Variants in CRX observed in about 807,000 individuals in gnomAD.
The protein encoded by CRX is cone-rod homeobox.
In CRX, 5 loss-of-function variants were observed where a neutral mutation model predicts 13.1. The ratio of observed to expected loss-of-function variants is 0.38; its 90% confidence interval spans 0.20 to 0.80. CRX has a LOEUF of 0.80. Ranked by LOEUF, CRX falls within the 30% of genes least tolerant of loss-of-function variation. The pLI is 0.43. For synonymous variants in CRX, 179 were observed against 171.1 expected (o/e 1.05, Z -0.36); for missense variants, 351 against 391.8 (o/e 0.90, Z 0.88).
rs1968206473 is a variant in CRX at position 47,842,253 on chromosome 19, CAT to C, written c.*2288_*2289del. ...TTCAACATAAAACGTGTTCATCTCT[CAT>C]AGGCCTGAGTCATGCTGGGTTCTGG... On this transcript the variant is annotated 3_prime_UTR_variant, in exon 4 of 4. Transcript: ENST00000221996. 6.6e-6 allele frequency: 1 copy of C among 152,308 alleles called. No homozygotes were observed. Among genetic ancestry groups the C allele is most frequent in the African/African-American group, 2.4e-5 (1 of 41,456 alleles). The allele number at this position is 152,308 out of a possible 1,614,324, so 9.4% of individuals were successfully genotyped here.
chr19:47,836,191 C>G, intron 2 of CRX, 52 bp from the exon 3 acceptor site: 1 of 1,611,862 alleles, frequency 6.2e-7, no homozygotes, highest in Non-Finnish European at 8.5e-7. Context: ...CTCAGGGCCT[C>G]ACACCAGCCC....
chr19:47,834,658 A>G (rs1232722425), intron 2 of CRX, 115 bp downstream of exon 2: 7 of 762,306 alleles, frequency 9.2e-6, no homozygotes, highest in Non-Finnish European at 1.6e-5. Flanking sequence ...AGGGCCATAC[A>G]CCAGCCCTCT....
chr19:47,835,650 C>G, intron 2 of CRX, among the ~76,000 whole-genome samples: 1 of 125,522 alleles, frequency 8.0e-6, no homozygotes, highest in East Asian at 2.2e-4. Context: ...CAAGACCGAG[C>G]CTTGTTCTGT....
intron 1 of CRX, among the ~76,000 whole-genome samples, chr19:47,834,094 G>A (rs1038223293): frequency 1.3e-5 from 2 of 151,874 alleles, no homozygotes. Flanking sequence ...GCCTCCCAAA[G>A]TGCTGGGATG....
chr19:47,827,751 G>C (rs1967992081), intron 1 of CRX, among the ~76,000 whole-genome samples: 1 of 127,374 alleles, frequency 7.9e-6, no homozygotes. Flanking sequence ...TCAAACTCCT[G>C]ACCTCAAGTG....
At chr19:47,837,320 C>T (rs1968129565) in intron 3 of CRX, among the ~76,000 whole-genome samples, 1 of 152,154 alleles carries the variant, frequency 6.6e-6, no homozygotes, top group Non-Finnish European at 1.5e-5. Flanking sequence ...GCGTGTGCCA[C>T]CACACCGGGC....
intron 3 of CRX, among the ~76,000 whole-genome samples, chr19:47,837,086 G>A (rs1400475148): frequency 6.6e-6 from 1 of 152,148 alleles, no homozygotes; most frequent in Non-Finnish European, 1.5e-5. Context: ...TTAGATAGAT[G>A]ATGAATGTAT....
Position 47,840,097 on chromosome 19 carries a change from TC to T in CRX, c.*131del. The T allele has an allele frequency of 1.8e-6, 2 of 1,101,990 alleles. No individual in the cohort carries two copies. Among genetic ancestry groups the T allele is most frequent in the Non-Finnish European group, 2.7e-6 (2 of 753,768 alleles). The allele number at this position is 1,101,990 out of a possible 1,614,324, so 68.3% of individuals were successfully genotyped here. A position where few individuals can be genotyped will look rare whatever the true frequency, so the allele number is the denominator to read the frequency against. ...CCGAACCAGCTGTCCTTCTGACAGC[TC>T]GGTGTTCAGCTTACAGAGACCACCC... On this transcript the variant is annotated 3_prime_UTR_variant, in exon 4 of 4. Coordinates refer to ENST00000221996, the MANE Select transcript of CRX (RefSeq NM_000554.6).
At chr19:47,826,023 C>G (rs1967971227) in intron 1 of CRX, among the ~76,000 whole-genome samples, 1 of 152,174 alleles carries the variant, frequency 6.6e-6, no homozygotes, top group Non-Finnish European at 1.5e-5. Flanking sequence ...CAATCTGACT[C>G]AGATTTGACG....
chr19:47,835,393 C>A (rs140600682), intron 2 of CRX, among the ~76,000 whole-genome samples: 14 of 150,048 alleles, frequency 9.3e-5, no homozygotes, highest in African/African-American at 3.4e-4. Flanking sequence ...TTTTTTCTTT[C>A]GAGACACAGT....
At chr19:47,832,595 C>G (rs988542426) in intron 1 of CRX, among the ~76,000 whole-genome samples, 16 of 151,934 alleles carry the variant, frequency 1.1e-4, no homozygotes, top group African/African-American at 3.9e-4. Context: ...AAGCGATTCT[C>G]CTGCCTCAGC....
intron 1 of CRX, among the ~76,000 whole-genome samples, chr19:47,832,060 T>C (rs1291928078): frequency 6.8e-6 from 1 of 147,614 alleles, no homozygotes; most frequent in Admixed American, 6.7e-5. Flanking sequence ...TTTTTAAAAC[T>C]ATATAATGGA....
intron 1 of CRX, among the ~76,000 whole-genome samples, chr19:47,825,654 C>T (rs567456676): frequency 6.6e-6 from 1 of 152,090 alleles, no homozygotes; most frequent in Non-Finnish European, 1.5e-5. Flanking sequence ...GCACTGTGGC[C>T]CACGCCTGTG....
intron 3 of CRX, 152 bp downstream of exon 3, chr19:47,836,546 A>C: frequency 9.0e-7 from 1 of 1,106,816 alleles, no homozygotes; most frequent in Non-Finnish European, 1.3e-6. Context: ...CATCCCACTG[A>C]CCGCCTCATG....
intron 1 of CRX, among the ~76,000 whole-genome samples, chr19:47,822,518 T>A (rs1371009278): frequency 6.6e-6 from 1 of 152,146 alleles, no homozygotes; most frequent in African/African-American, 2.4e-5. Flanking sequence ...GATGGATGGA[T>A]GAATGACAGA....
In CRX at chr19:47,839,215, A is replaced by T; in HGVS notation, c.253-105A>T. The T allele has an allele frequency of 8.0e-7, 1 of 1,255,648 alleles. No homozygotes were observed. Among genetic ancestry groups the T allele is most frequent in the Non-Finnish European group, 1.1e-6 (1 of 902,696 alleles). 77.8% of individuals were successfully genotyped at this position (1,255,648 alleles called of 1,614,324 possible). A position where few individuals can be genotyped will look rare whatever the true frequency, so the allele number is the denominator to read the frequency against. On this transcript the variant is annotated intron_variant, in intron 3 of 3. Transcript: ENST00000221996. This position sits in a 1 kb window ranked among gnomAD's most constrained non-coding sequence, Gnocchi z 4.6. The stretch of plus-strand genomic sequence containing the variant: ...GCTGGATGCAAAGTAGACAGATGTG[A>T]ACCCAGCACCTCTCACCAATAAGTG...
At position 47,840,059 on chromosome 19, in the gene CRX, C is replaced by A; in HGVS notation, c.*92C>A. The stretch of plus-strand genomic sequence containing the variant: ...CAGTTTAGATCCCGGGATGGCATTC[C>A]TGAGAAAGCAACCCGAACCAGCTGT... On this transcript the variant is annotated 3_prime_UTR_variant, in exon 4 of 4. Transcript: ENST00000221996. 6.7e-7 allele frequency: 1 copy of A among 1,500,096 alleles called. No individual in the cohort carries two copies. The highest frequency in any genetic ancestry group is 9.1e-7 in the Non-Finnish European group (1 of 1,096,412). 92.9% of individuals were successfully genotyped at this position (1,500,096 alleles called of 1,614,324 possible). A position where few individuals can be genotyped will look rare whatever the true frequency, so the allele number is the denominator to read the frequency against.
rs34872129 is a variant in CRX at position 47,835,620 on chromosome 19, GT to G, written c.101-604del. Among the ~76,000 whole-genome samples, 939 of 102,160 alleles carry G rather than the reference GT, an allele frequency of 9.2e-3. 9 individuals carry two copies. The highest frequency in any genetic ancestry group is 0.014 in the Non-Finnish European group (753 of 55,544). 67.0% of individuals were successfully genotyped at this position (102,160 alleles called of 152,430 possible). A position where few individuals can be genotyped will look rare whatever the true frequency, so the allele number is the denominator to read the frequency against. On this transcript the variant is annotated intron_variant, in intron 2 of 3. Transcript: ENST00000221996. ...TTTGTAGCATTATTCTTTAGCTCTTGTTTTTTTTTTTTTTTTTTTCAAGACC... is the reference window on the plus strand; with the variant it reads ...TTTGTAGCATTATTCTTTAGCTCTTGTTTTTTTTTTTTTTTTTTCAAGACC...
chr19:47,838,006 C>T lies in CRX; in HGVS notation c.253-1314C>T, dbSNP rs549112585. 1.0e-3 allele frequency among the ~76,000 whole-genome samples: 157 copies of T among 151,776 alleles called. 1 individual carries two copies. The highest frequency in any genetic ancestry group is 3.6e-3 in the African/African-American group (147 of 41,338). ...GATGTTACATATATGTGCATACACA[C>T]GTGTGTATGATTGGAAGGATAAATG... On this transcript the variant is annotated intron_variant, in intron 3 of 3. Coordinates refer to ENST00000221996, the MANE Select transcript of CRX (RefSeq NM_000554.6).
Sources: gnomAD v4.1 joint callset for allele counts (sites outside exome capture counted in the v4.1 genomes callset) on GRCh38, gnomAD v4.1.1 for gene constraint, Gnocchi (gnomAD v3.1) non-coding constraint, MANE v1.5 for transcripts, NCBI Gene and HGNC (gene_info 2026-07-23, HGNC 2026-07-21) for gene names.